Variants in RAB2B observed in about 807,000 individuals in gnomAD.
The protein encoded by RAB2B is RAB2B, member RAS oncogene family, also known as ras-related protein Rab-2B.
A neutral mutation model predicts 29.8 loss-of-function variants in RAB2B; 20 were observed. The observed-to-expected ratio is 0.67, with a 90% CI of 0.47 to 0.97. RAB2B has a LOEUF of 0.97. Among genes scored for constraint, RAB2B ranks in the 50% least tolerant of loss-of-function variants. RAB2B has a pLI of 0.00. For missense variants in RAB2B, 218 were observed against 272.0 expected (o/e 0.80, Z 1.40); for synonymous variants, 93 against 91.7 (o/e 1.01, Z -0.08).
chr14:21,461,433 A>G (rs1160063200), intron 7 of RAB2B, 130 bp from the exon 8 acceptor site: 3 of 603,336 alleles, frequency 5.0e-6, no homozygotes, highest in East Asian at 3.2e-5. Flanking sequence ...ATCATTAATT[A>G]TATTTTCTAA....
At chr14:21,468,485 A>G in intron 4 of RAB2B, 36 bp from the exon 5 acceptor site, 1 of 1,591,038 alleles carries the variant, frequency 6.3e-7, no homozygotes, top group Non-Finnish European at 8.6e-7. Context: ...GGTCAGAGAC[A>G]CATTTCAAAA....
At chr14:21,474,733 TTCTC>T (rs1890906170) in intron 3 of RAB2B, 130 bp downstream of exon 3, 1 of 680,334 alleles carries the variant, frequency 1.5e-6, no homozygotes. Context: ...AATCAAAAAC[TTCTC>T]TCTTTGATTT....
At chr14:21,471,614 T>C (rs1279835233) in intron 3 of RAB2B, among the ~76,000 whole-genome samples, 15 of 90,866 alleles carry the variant, frequency 1.7e-4, no homozygotes, top group African/African-American at 5.7e-4. Flanking sequence ...CAAGACCCTG[T>C]CAAAAAAAAA....
chr14:21,467,064 G>A (rs1594410667), intron 5 of RAB2B, among the ~76,000 whole-genome samples: 1 of 152,050 alleles, frequency 6.6e-6, no homozygotes, highest in Non-Finnish European at 1.5e-5. Flanking sequence ...GTGCCACCAC[G>A]CCTGGCTACT....
At chr14:21,462,067 G>C (rs1366013791) in intron 7 of RAB2B, among the ~76,000 whole-genome samples, 1 of 152,106 alleles carries the variant, frequency 6.6e-6, no homozygotes, top group African/African-American at 2.4e-5. Flanking sequence ...TTCTAGAATA[G>C]TAAAAAACTG....
chr14:21,476,926 C>A lies in RAB2B; in HGVS notation c.-54G>T, dbSNP rs958728008. ...GCCCGACTTCTATAGCCACTTACCTCCGACCTCTCTAGCCACTCAATCTAC... is the reference window on the plus strand; with the variant it reads ...GCCCGACTTCTATAGCCACTTACCTACGACCTCTCTAGCCACTCAATCTAC... On this transcript the variant is annotated 5_prime_UTR_variant, in exon 1 of 8. Coordinates refer to ENST00000397762, the MANE Select transcript of RAB2B (RefSeq NM_032846.4). 68 of 1,583,440 alleles carry A rather than the reference C, an allele frequency of 4.3e-5. No homozygotes were observed. Among genetic ancestry groups the A allele is most frequent in the Non-Finnish European group, 5.9e-5 (68 of 1,154,794 alleles).
intron 2 of RAB2B, 80 bp downstream of exon 2, chr14:21,476,448 T>G: frequency 6.4e-7 from 1 of 1,551,142 alleles, no homozygotes; most frequent in Non-Finnish European, 8.9e-7. Flanking sequence ...CTTCGAACAC[T>G]GAAGGCTGCT....
chr14:21,472,763 A>C (rs1221127869), intron 3 of RAB2B, among the ~76,000 whole-genome samples: 1 of 152,066 alleles, frequency 6.6e-6, no homozygotes, highest in Non-Finnish European at 1.5e-5. Context: ...CATTCTCAGC[A>C]GAATCAAGCT....
In RAB2B at chr14:21,461,225, C is replaced by G; in HGVS notation, c.622G>C (p.Asp208His). ...GPSASQRNSR[D>H]IGSNSGCC Reference sequence around the variant, plus strand: ...CAGCAGCCAGAGTTGGACCCTATGTCACGAGAGTTCCGCTGGGAGGCACTG... The same window carrying G: ...CAGCAGCCAGAGTTGGACCCTATGTGACGAGAGTTCCGCTGGGAGGCACTG... The change falls in exon 8 of 8, where the codon GAC (aspartate) becomes CAC (histidine). Residue 208 changes from aspartate to histidine, a missense_variant. Coordinates refer to ENST00000397762, the MANE Select transcript of RAB2B (RefSeq NM_032846.4). 1 of 1,613,678 alleles carries G rather than the reference C, an allele frequency of 6.2e-7. No homozygotes were observed. The highest frequency in any genetic ancestry group is 8.5e-7 in the Non-Finnish European group (1 of 1,179,764).
chr14:21,476,214 C>G (rs570567386), intron 2 of RAB2B: 1 of 285,706 alleles, frequency 3.5e-6, no homozygotes, highest in Non-Finnish European at 6.6e-6. Context: ...CCTCAAAGCA[C>G]AGATGAGTTC....
intron 2 of RAB2B, among the ~76,000 whole-genome samples, chr14:21,475,327 C>G (rs1182083347): frequency 6.6e-6 from 1 of 152,100 alleles, no homozygotes. Context: ...GACACTTTCT[C>G]AGTCACTCTT....
intron 7 of RAB2B, among the ~76,000 whole-genome samples, 181 bp from the exon 8 acceptor site, chr14:21,461,484 A>C (rs1890554578): frequency 6.6e-6 from 1 of 152,228 alleles, no homozygotes; most frequent in Non-Finnish European, 1.5e-5. Flanking sequence ...TGCCCTAGCC[A>C]CGCTGATGTG....
Position 21,476,349 on chromosome 14 carries a change from T to A in RAB2B, c.118+179A>T. On this transcript the variant is annotated intron_variant, in intron 2 of 7. Coordinates refer to ENST00000397762, the MANE Select transcript of RAB2B (RefSeq NM_032846.4). ...TTACCTTTCAATTATATACTCTCCC[T>A]TACACTACTCCCCACATATCAACGT... The A allele has an allele frequency of 7.8e-6, 5 of 644,288 alleles. No homozygotes were observed. In the South Asian group the frequency reaches 9.6e-5, roughly 12 times the overall value. The allele number at this position is 644,288 out of a possible 1,614,324, so 39.9% of individuals were successfully genotyped here.
chr14:21,459,790 G>A lies in RAB2B; in HGVS notation c.*1406C>T, dbSNP rs890267611. The A allele has an allele frequency of 1.1e-5, 2 of 184,730 alleles. No individual in the cohort carries two copies. The highest frequency in any genetic ancestry group is 5.6e-5 in the Admixed American group (1 of 17,992). 11.4% of individuals were successfully genotyped at this position (184,730 alleles called of 1,614,324 possible). On this transcript the variant is annotated 3_prime_UTR_variant, in exon 8 of 8. Transcript: ENST00000397762. ...TAGTGGAGAGTAGGGCATGTGCAAA[G>A]GTATGGAACTAGGAATAAATATGTC...
intron 2 of RAB2B, 56 bp downstream of exon 2, chr14:21,476,472 A>G: frequency 6.2e-7 from 1 of 1,604,140 alleles, no homozygotes; most frequent in Non-Finnish European, 8.5e-7. Context: ...TTTCCACTTT[A>G]GCAATTTAGC....
intron 3 of RAB2B, among the ~76,000 whole-genome samples, chr14:21,474,138 C>A (rs1890889031): frequency 6.6e-6 from 1 of 152,106 alleles, no homozygotes; most frequent in Non-Finnish European, 1.5e-5. Flanking sequence ...TCGCGGTGAG[C>A]CAAGATTACG....
intron 5 of RAB2B, among the ~76,000 whole-genome samples, chr14:21,465,635 TACTTA>T (rs1890668842): frequency 6.6e-6 from 1 of 152,240 alleles, no homozygotes; most frequent in Non-Finnish European, 1.5e-5. Context: ...GCCACTTCTC[TACTTA>T]AAACTTTAAA....
Position 21,459,505 on chromosome 14 carries a change from TA to T in RAB2B, c.*1690del, listed in dbSNP as rs768681712. On this transcript the variant is annotated 3_prime_UTR_variant, in exon 8 of 8. Transcript: ENST00000397762. The stretch of plus-strand genomic sequence containing the variant: ...AGCACTAGGCACTGTAAAGGAATGA[TA>T]GGGGGAATAATTTATAAAAATAAAG... 30 of 152,232 alleles carry T rather than the reference TA, an allele frequency of 2.0e-4. No individual in the cohort carries two copies. Among genetic ancestry groups the T allele is most frequent in the Admixed American group, 3.3e-4 (5 of 15,290 alleles). The allele number at this position is 152,232 out of a possible 1,614,324, so 9.4% of individuals were successfully genotyped here. A position where few individuals can be genotyped will look rare whatever the true frequency, so the allele number is the denominator to read the frequency against.
At chr14:21,462,860 A>C (rs1040849878) in intron 6 of RAB2B, among the ~76,000 whole-genome samples, 4 of 151,806 alleles carry the variant, frequency 2.6e-5, no homozygotes, top group Non-Finnish European at 5.9e-5. Context: ...AAAAAAATCA[A>C]AAAAGAAAAA....
Sources: gnomAD v4.1 joint callset for allele counts (sites outside exome capture counted in the v4.1 genomes callset) on GRCh38, gnomAD v4.1.1 for gene constraint, MANE v1.5 for transcripts, NCBI Gene and HGNC (gene_info 2026-07-23, HGNC 2026-07-21) for gene names.